The following MAF variants were observed in gnomAD, a reference collection of about 807,000 sequenced individuals.
MAF encodes MAF bZIP transcription factor, also known as transcription factor Maf.
Under a neutral mutation model 22.0 loss-of-function variants are expected in MAF, and 10 were observed. The observed-to-expected ratio is 0.45, with a 90% CI of 0.28 to 0.77. MAF has a LOEUF of 0.77. MAF is among the 30% of genes least tolerant of loss of function. The pLI is 0.12. For missense variants in MAF, 544 were observed against 548.4 expected (o/e 0.99, Z 0.08); for synonymous variants, 337 against 255.8 (o/e 1.32, Z -3.03).
At chr16:79,507,089 C>T in the MAF span, among the ~76,000 whole-genome samples, 1 of 150,912 alleles carries the variant, frequency 6.6e-6, no homozygotes, top group Non-Finnish European at 1.5e-5. Context: ...TAAAAATAAA[C>T]CATGCTTAAT....
the MAF span, among the ~76,000 whole-genome samples, chr16:79,283,967 CAA>C: frequency 3.5e-5 from 4 of 115,580 alleles, no homozygotes; most frequent in Admixed American, 9.7e-5. Flanking sequence ...ACCTCCTCCT[CAA>C]AAAAAAAAAA....
the MAF span, among the ~76,000 whole-genome samples, chr16:79,263,420 G>T: frequency 6.6e-6 from 1 of 152,152 alleles, no homozygotes; most frequent in African/African-American, 2.4e-5. Context: ...TATTATCTTT[G>T]TTCATGTTCT....
chr16:79,393,372 G>A, the MAF span, among the ~76,000 whole-genome samples: 1 of 152,232 alleles, frequency 6.6e-6, no homozygotes, highest in Non-Finnish European at 1.5e-5. Context: ...CAGCATTCCT[G>A]AGTGACAGGA....
chr16:79,501,585 C>T, the MAF span, among the ~76,000 whole-genome samples: 1 of 152,154 alleles, frequency 6.6e-6, no homozygotes, highest in Non-Finnish European at 1.5e-5. Context: ...ATTCTTACTA[C>T]ACAAATCTCA....
the MAF span, among the ~76,000 whole-genome samples, chr16:79,248,798 C>A: frequency 2.0e-4 from 29 of 147,830 alleles, no homozygotes; most frequent in Middle Eastern, 3.5e-3. Flanking sequence ...CCAAAATTTA[C>A]AAAAAAAAAA....
the MAF span, among the ~76,000 whole-genome samples, chr16:79,377,452 A>G: frequency 6.6e-6 from 1 of 152,116 alleles, no homozygotes; most frequent in Non-Finnish European, 1.5e-5. Flanking sequence ...AGTAGATTGC[A>G]AAAATTTTCT....
the MAF span, among the ~76,000 whole-genome samples, chr16:79,257,141 C>T: frequency 6.6e-6 from 1 of 152,040 alleles, no homozygotes; most frequent in Non-Finnish European, 1.5e-5. Context: ...CATGCCACTG[C>T]ACTCCAGCCT....
At position 79,599,227 on chromosome 16, in the gene MAF, C is replaced by T. The variant is rs1913817151; in HGVS notation, c.676G>A (p.Gly226Ser). The change falls in exon 1 of 2, where the codon GGC becomes AGC. Residue 226 changes from glycine (G) to serine (S), a missense_variant. Transcript: ENST00000326043. ...CCGCCGCCGCCGCCGCCGCCGCCGC[C>T]CCCAGCGCTGGCCGGGCCACCGCCG... ...AGGGGPASAG[G>S]GGGGGGGGGG... 2.0e-6 allele frequency: 2 copies of T among 978,578 alleles called. No homozygotes were observed. The highest frequency in any genetic ancestry group is 2.4e-6 in the Non-Finnish European group (2 of 827,126). The allele number at this position is 978,578 out of a possible 1,614,324, so 60.6% of individuals were successfully genotyped here. A position where few individuals can be genotyped will look rare whatever the true frequency, so the allele number is the denominator to read the frequency against.
the MAF span, among the ~76,000 whole-genome samples, chr16:79,476,926 G>A: frequency 2.0e-5 from 3 of 152,050 alleles, no homozygotes; most frequent in African/African-American, 4.8e-5. Flanking sequence ...TTTGAGAGTC[G>A]CGTTATCATC....
chr16:79,335,787 CT>C, the MAF span, among the ~76,000 whole-genome samples: 2 of 152,216 alleles, frequency 1.3e-5, no homozygotes, highest in Non-Finnish European at 2.9e-5. Flanking sequence ...GGCTCCAACT[CT>C]GGTTGGTGAT....
At chr16:79,378,576 CA>C in the MAF span, among the ~76,000 whole-genome samples, 1 of 152,070 alleles carries the variant, frequency 6.6e-6, no homozygotes, top group Non-Finnish European at 1.5e-5. Flanking sequence ...ACACATTATT[CA>C]AAATAGAGAT....
the MAF span, among the ~76,000 whole-genome samples, chr16:79,398,564 T>G: frequency 6.6e-6 from 1 of 152,088 alleles, no homozygotes; most frequent in Non-Finnish European, 1.5e-5. Flanking sequence ...CGGAGTATCC[T>G]AGAGATAGAA....
chr16:79,599,699 G>C lies in MAF; in HGVS notation c.204C>G (p.Pro68=), dbSNP rs1913881945. 2 of 1,612,714 alleles carry C rather than the reference G, an allele frequency of 1.2e-6. No individual in the cohort carries two copies. Among genetic ancestry groups the C allele is most frequent in the Non-Finnish European group, 1.7e-6 (2 of 1,179,808 alleles). Residue 68 remains proline (P), a synonymous_variant, in exon 1 of 2, where the codon CCC becomes CCG. Coordinates refer to ENST00000326043, the MANE Select transcript of MAF (RefSeq NM_005360.5). ...TGGGCGCCGAGAAGCTGGGGGAAGG[G>C]GGCACCGAGCTGCACGGCGTGCTCA... The part of the protein sequence containing the change: ...TPMSTPCSSV[P]PSPSFSAPSP...
the MAF span, among the ~76,000 whole-genome samples, chr16:79,562,972 A>G: frequency 2.6e-5 from 4 of 152,160 alleles, no homozygotes; most frequent in Admixed American, 1.3e-4. Flanking sequence ...TCAAATTCAA[A>G]TGTGTCTACT....
the MAF span, among the ~76,000 whole-genome samples, chr16:79,565,918 G>C: frequency 2.2e-4 from 33 of 152,238 alleles, no homozygotes; most frequent in African/African-American, 7.7e-4. Context: ...ACAGTCTCTT[G>C]CTTCAAGTCA....
the MAF span, among the ~76,000 whole-genome samples, chr16:79,283,979 A>AG: frequency 0.023 from 2,156 of 94,502 alleles, 64 homozygotes; most frequent in African/African-American, 0.077. Flanking sequence ...AAAAAAAAAA[A>AG]AAAAAAGACA....
intron 1 of MAF, chr16:79,585,948 T>G (rs985171883): frequency 2.9e-6 from 2 of 678,234 alleles, no homozygotes; most frequent in Non-Finnish European, 5.3e-6. Context: ...GTACCTGATT[T>G]AGTAAATATA....
chr16:79,305,998 C>A, the MAF span, among the ~76,000 whole-genome samples: 5 of 152,184 alleles, frequency 3.3e-5, no homozygotes, highest in African/African-American at 1.2e-4. Context: ...CATTTTTTGG[C>A]TTCACTGGTA....
At chr16:79,515,059 T>C in the MAF span, among the ~76,000 whole-genome samples, 1 of 152,186 alleles carries the variant, frequency 6.6e-6, no homozygotes, top group Non-Finnish European at 1.5e-5. Flanking sequence ...GCTCACACCT[T>C]TGTAAATGGG....
Sources: gnomAD v4.1 joint callset for allele counts (sites outside exome capture counted in the v4.1 genomes callset) on GRCh38, gnomAD v4.1.1 for gene constraint, MANE v1.5 for transcripts, NCBI Gene and HGNC (gene_info 2026-07-23, HGNC 2026-07-21) for gene names.